Variants in NUF2 observed in about 807,000 individuals in gnomAD.
NUF2 encodes the protein NUF2 component of NDC80 kinetochore complex, also known as kinetochore protein Nuf2.
In NUF2, 34 loss-of-function variants were observed where a neutral mutation model predicts 61.8. That is an observed-to-expected ratio of 0.55 (90% confidence interval 0.42 to 0.73). NUF2 has a LOEUF of 0.73. Ranked by LOEUF, NUF2 falls within the 30% of genes least tolerant of loss-of-function variation. NUF2 has a pLI of 0.00. For missense variants in NUF2, 445 were observed against 539.1 expected (o/e 0.83, Z 1.73); for synonymous variants, 172 against 181.6 (o/e 0.95, Z 0.42).
Position 163,345,681 on chromosome 1 carries a change from GAA to G in NUF2, c.812_813del (p.Glu271GlyfsTer6). The G allele has an allele frequency of 6.2e-7, 1 of 1,607,940 alleles. No individual in the cohort carries two copies. Among genetic ancestry groups the G allele is most frequent in the Non-Finnish European group, 8.5e-7 (1 of 1,178,244 alleles). ...TVQKLKNARQ[E>X]VVEKYEIYGD... is the part of the protein sequence containing the mutation. ...CTCTGTTTTTTGTCTTTCAAAGCAA[GAA>G]GTGGTGGAGAAATATGAAATCTATG... On this transcript the variant is annotated frameshift_variant, in exon 11 of 14. Coordinates refer to ENST00000271452, the MANE Select transcript of NUF2 (RefSeq NM_145697.3). LOFTEE classifies it high-confidence loss of function.
chr1:163,343,506 A>G (rs925394394), intron 9 of NUF2, among the ~76,000 whole-genome samples: 3 of 152,144 alleles, frequency 2.0e-5, no homozygotes, highest in African/African-American at 7.2e-5. Context: ...CTAGACAGGA[A>G]GAGAGTTAAG....
chr1:163,326,393 A>T (rs1650419560), intron 2 of NUF2, among the ~76,000 whole-genome samples: 1 of 121,296 alleles, frequency 8.2e-6, no homozygotes. Flanking sequence ...TCTTTAATAT[A>T]GTCGTTTTCT....
chr1:163,327,841 T>C, intron 3 of NUF2: 1 of 400,392 alleles, frequency 2.5e-6, no homozygotes, highest in South Asian at 5.2e-5. Context: ...ATTTATAGGT[T>C]TGTTTTCAGA....
At chr1:163,348,478 C>T (rs1651206626) in intron 12 of NUF2, among the ~76,000 whole-genome samples, 2 of 152,110 alleles carry the variant, frequency 1.3e-5, no homozygotes, top group Non-Finnish European at 2.9e-5. Context: ...CCTTCAGTTA[C>T]TAAAAGGTGC....
intron 5 of NUF2, among the ~76,000 whole-genome samples, chr1:163,330,407 C>T (rs1460133927): frequency 1.3e-5 from 2 of 152,106 alleles, no homozygotes; most frequent in Non-Finnish European, 2.9e-5. Context: ...TTTTTGAGCT[C>T]GCTATTCTAC....
Position 163,355,388 on chromosome 1 carries a change from A to T in NUF2, c.1314A>T (p.Glu438Asp). ...TGGAGAAATACCACGACGGTATTGAAAAGGCAGCAGAGGACTCCTATGCTA... is the reference window on the plus strand; with the variant it reads ...TGGAGAAATACCACGACGGTATTGATAAGGCAGCAGAGGACTCCTATGCTA... ...TALEKYHDGI[E>D]KAAEDSYAKI... The change falls in exon 14 of 14, where the codon GAA (glutamate) becomes GAT (aspartate). Residue 438 changes from glutamate (E) to aspartate (D), a missense_variant. Physicochemically the swap from Glu to Asp is conservative, Grantham distance 45. Coordinates refer to ENST00000271452, the MANE Select transcript of NUF2 (RefSeq NM_145697.3). 1 of 1,608,926 alleles carries T rather than the reference A, an allele frequency of 6.2e-7. No individual in the cohort carries two copies. Among genetic ancestry groups the T allele is most frequent in the Non-Finnish European group, 8.5e-7 (1 of 1,177,026 alleles).
chr1:163,331,320 T>C (rs755670300), intron 5 of NUF2, among the ~76,000 whole-genome samples: 10 of 152,062 alleles, frequency 6.6e-5, no homozygotes, highest in African/African-American at 2.4e-4. Flanking sequence ...ATTACTTGAT[T>C]TTTGAATATC....
chr1:163,347,693 A>T (rs1651178354), intron 11 of NUF2, 70 bp from the exon 12 acceptor site: 1 of 1,072,496 alleles, frequency 9.3e-7, no homozygotes, highest in African/African-American at 1.6e-5. Context: ...CATCCTAGAA[A>T]ATATTCTTTC....
At chr1:163,349,180 C>A in intron 13 of NUF2, 100 bp downstream of exon 13, 1 of 911,372 alleles carries the variant, frequency 1.1e-6, no homozygotes, top group Non-Finnish European at 1.6e-6. Context: ...TGTAATGAGA[C>A]TTTTAATGAT....
chr1:163,349,093 T>A lies in NUF2; in HGVS notation c.1260+13T>A. 1 of 1,583,806 alleles carries A rather than the reference T, an allele frequency of 6.3e-7. No homozygotes were observed. The highest frequency in any genetic ancestry group is 1.2e-5 in the South Asian group (1 of 85,144). ...ACTGAAGTCCCAGGTGAATATGTGT[T>A]CATAAGAAGTTAATTTCAAATAATC... On this transcript the variant is annotated intron_variant, in intron 13 of 13. Coordinates refer to ENST00000271452, the MANE Select transcript of NUF2 (RefSeq NM_145697.3).
chr1:163,327,421 G>C, intron 2 of NUF2, 67 bp from the exon 3 acceptor site: 1 of 807,450 alleles, frequency 1.2e-6, no homozygotes, highest in Non-Finnish European at 2.2e-6. Context: ...ATATTGTATG[G>C]TAATGATGAT....
At chr1:163,354,970 G>A (rs915104798) in intron 13 of NUF2, among the ~76,000 whole-genome samples, 3 of 151,902 alleles carry the variant, frequency 2.0e-5, no homozygotes, top group African/African-American at 4.8e-5. Context: ...GATAATCAGG[G>A]TCAAATGCAG....
At chr1:163,327,415 TGTATG>T (rs1650460127) in intron 2 of NUF2, 68 bp from the exon 3 acceptor site, 1 of 766,704 alleles carries the variant, frequency 1.3e-6, no homozygotes, top group African/African-American at 1.8e-5. Flanking sequence ...ATTATAATAT[TGTATG>T]GTAATGATGA....
At chr1:163,336,200 C>T (rs1021456370) in intron 5 of NUF2, among the ~76,000 whole-genome samples, 2 of 152,132 alleles carry the variant, frequency 1.3e-5, no homozygotes, top group East Asian at 1.9e-4. Flanking sequence ...TGAGGGGATT[C>T]CTCTACAGAT....
chr1:163,352,712 A>G (rs1042588056), intron 13 of NUF2, among the ~76,000 whole-genome samples: 3 of 152,088 alleles, frequency 2.0e-5, no homozygotes, highest in African/African-American at 4.8e-5. Flanking sequence ...TAAAAATACA[A>G]AAAATTAGCC....
chr1:163,345,197 G>A (rs907089748), intron 10 of NUF2, among the ~76,000 whole-genome samples: 21 of 152,048 alleles, frequency 1.4e-4, no homozygotes, highest in Non-Finnish European at 2.6e-4. Context: ...GAGGACAAGG[G>A]AAGGAATCTT....
At chr1:163,345,090 ATG>A (rs1651078311) in intron 10 of NUF2, among the ~76,000 whole-genome samples, 7 of 152,166 alleles carry the variant, frequency 4.6e-5, no homozygotes, top group Non-Finnish European at 8.8e-5. Context: ...TACGGTGCAT[ATG>A]ACAGGTAGAG....
At chr1:163,337,580 A>G (rs1326194014) in intron 6 of NUF2, among the ~76,000 whole-genome samples, 1 of 152,060 alleles carries the variant, frequency 6.6e-6, no homozygotes, top group Non-Finnish European at 1.5e-5. Context: ...ACACACTCTC[A>G]TAATTTTGCT....
intron 13 of NUF2, among the ~76,000 whole-genome samples, chr1:163,352,727 G>T (rs939845237): frequency 4.6e-5 from 7 of 152,142 alleles, no homozygotes; most frequent in Admixed American, 1.3e-4. Flanking sequence ...TTAGCCGGGC[G>T]TGGTGGCGGG....
Sources: gnomAD v4.1 joint callset for allele counts (sites outside exome capture counted in the v4.1 genomes callset) on GRCh38, gnomAD v4.1.1 for gene constraint, MANE v1.5 for transcripts, NCBI Gene and HGNC (gene_info 2026-07-23, HGNC 2026-07-21) for gene names.